The following LINGO2 variants were observed in gnomAD, a reference collection of about 807,000 sequenced individuals.
The protein encoded by LINGO2 is leucine rich repeat and Ig domain containing 2, also known as leucine-rich repeat and immunoglobulin-like domain-containing nogo receptor-interacting protein 2.
In LINGO2, 14 loss-of-function variants were observed where a neutral mutation model predicts 30.6. The observed-to-expected ratio is 0.46, with a 90% CI of 0.30 to 0.72. The LOEUF (loss-of-function observed/expected upper bound fraction) is 0.72, where lower values mean the gene tolerates loss of function less well. LINGO2 is among the 30% of genes least tolerant of loss of function. The pLI, the probability that LINGO2 is intolerant of heterozygous loss-of-function variation, is 0.07. For synonymous variants in LINGO2, 317 were observed against 288.5 expected (o/e 1.10, Z -1.00); for missense variants, 729 against 751.7 (o/e 0.97, Z 0.35).
At chr9:28,373,026 G>A (rs1278381460) in intron 2 of LINGO2, among the ~76,000 whole-genome samples, 158 bp from the exon 5 acceptor site, 1 of 149,816 alleles carries the variant, frequency 6.7e-6, no homozygotes. Context: ...AAAAAAAACT[G>A]ATAAAACTCT....
the LINGO2 span, among the ~76,000 whole-genome samples, chr9:28,967,373 T>C: frequency 2.1e-3 from 313 of 152,292 alleles, 1 homozygote; most frequent in Non-Finnish European, 1.7e-3. Context: ...CAAACTATCC[T>C]ACCACTAGGC....
chr9:28,067,816 T>C (rs1327076136), intron 4 of LINGO2, among the ~76,000 whole-genome samples: 4 of 152,202 alleles, frequency 2.6e-5, no homozygotes, highest in Non-Finnish European at 5.9e-5. Context: ...ACTTCTTCGA[T>C]TATCATAACA....
At chr9:28,852,458 T>C in the LINGO2 span, among the ~76,000 whole-genome samples, 2 of 150,618 alleles carry the variant, frequency 1.3e-5, no homozygotes, top group African/African-American at 4.8e-5. Flanking sequence ...TAAGAAATTT[T>C]ATGGTTCAGT....
chr9:28,712,511 A>G, the LINGO2 span, among the ~76,000 whole-genome samples: 1 of 151,240 alleles, frequency 6.6e-6, no homozygotes, highest in African/African-American at 2.4e-5. Flanking sequence ...ATTGAAACTC[A>G]GCTCTACCAT....
the LINGO2 span, among the ~76,000 whole-genome samples, chr9:28,991,923 A>T: frequency 6.6e-6 from 1 of 152,290 alleles, no homozygotes; most frequent in Non-Finnish European, 1.5e-5. Flanking sequence ...GCCAAATTGT[A>T]AAGACCATCG....
At chr9:28,434,788 G>C (rs1823855475) in intron 2 of LINGO2, among the ~76,000 whole-genome samples, 2 of 151,964 alleles carry the variant, frequency 1.3e-5, no homozygotes, top group Admixed American at 6.6e-5. Context: ...TCTCTAGTCT[G>C]AGTCACAGCT....
In LINGO2 at chr9:28,148,914, G is replaced by C. The variant is rs940443401; in HGVS notation, c.-86-136509C>G. On this transcript the variant is annotated intron_variant, in intron 4 of 5. Transcript: ENST00000379992. The surrounding 1 kb of genome is among the most constrained non-coding windows in gnomAD (Gnocchi z 5.1). ...AAGGATCCTGCAGCTCTTGGGTCAA[G>C]TAGGTCTTCTCCACACAGAGCTGCC... The C allele has an allele frequency of 6.5e-7, 1 of 1,533,824 alleles. No individual in the cohort carries two copies. Among genetic ancestry groups the C allele is most frequent in the African/African-American group, 1.4e-5 (1 of 72,992 alleles).
At chr9:28,448,208 A>G (rs1322041423) in intron 2 of LINGO2, among the ~76,000 whole-genome samples, 1 of 152,168 alleles carries the variant, frequency 6.6e-6, no homozygotes, top group Non-Finnish European at 1.5e-5. Flanking sequence ...ATGAGTTTGA[A>G]AGTTGTGCAC....
intron 1 of LINGO2, among the ~76,000 whole-genome samples, chr9:28,648,718 T>A (rs940496279): frequency 1.3e-5 from 2 of 152,120 alleles, no homozygotes; most frequent in African/African-American, 4.8e-5. Flanking sequence ...CTTAGTCTAA[T>A]GCTATCTACT....
the LINGO2 span, among the ~76,000 whole-genome samples, chr9:29,028,029 C>T: frequency 1.3e-5 from 2 of 152,078 alleles, no homozygotes; most frequent in Non-Finnish European, 2.9e-5. Flanking sequence ...ATAGGCTATG[C>T]TAAAGCAGGC....
At chr9:28,234,407 A>C (rs905702205) in intron 4 of LINGO2, among the ~76,000 whole-genome samples, 1 of 152,178 alleles carries the variant, frequency 6.6e-6, no homozygotes, top group Non-Finnish European at 1.5e-5. Context: ...TTGAGTGTCA[A>C]CTTGATTGGA....
intron 3 of LINGO2, among the ~76,000 whole-genome samples, chr9:28,358,795 C>T (rs1448226559): frequency 5.3e-5 from 8 of 152,148 alleles, no homozygotes; most frequent in Non-Finnish European, 1.2e-4. Context: ...GATTACAGCT[C>T]AACTTCTTTA....
At chr9:28,794,732 T>C in the LINGO2 span, among the ~76,000 whole-genome samples, 1 of 152,194 alleles carries the variant, frequency 6.6e-6, no homozygotes, top group Non-Finnish European at 1.5e-5. Flanking sequence ...AGAAGGACAA[T>C]TTGGATATTT....
chr9:28,858,681 C>A, the LINGO2 span, among the ~76,000 whole-genome samples: 1 of 151,952 alleles, frequency 6.6e-6, no homozygotes, highest in Admixed American at 6.6e-5. Flanking sequence ...ATCTGCCTAC[C>A]TAGGAGACCT....
At chr9:28,755,368 C>T in the LINGO2 span, among the ~76,000 whole-genome samples, 127 of 152,164 alleles carry the variant, frequency 8.3e-4, 2 homozygotes, top group African/African-American at 3.0e-3. Context: ...ACTACTTAAC[C>T]TCTCTGGGTC....
the LINGO2 span, among the ~76,000 whole-genome samples, chr9:28,910,133 C>A: frequency 6.6e-6 from 1 of 151,832 alleles, no homozygotes; most frequent in African/African-American, 2.4e-5. Flanking sequence ...TATTTTAAAC[C>A]CTTTTTTGAG....
chr9:29,155,590 T>C, the LINGO2 span, among the ~76,000 whole-genome samples: 3 of 149,540 alleles, frequency 2.0e-5, no homozygotes, highest in East Asian at 5.9e-4. Context: ...TAAAAATAAA[T>C]GAGGAAAAAA....
chr9:28,540,187 G>T (rs1330828000), intron 1 of LINGO2, among the ~76,000 whole-genome samples: 3 of 151,804 alleles, frequency 2.0e-5, no homozygotes, highest in African/African-American at 7.3e-5. Context: ...TACACCTATG[G>T]TGAACTCTCC....
the LINGO2 span, among the ~76,000 whole-genome samples, chr9:28,995,669 A>G: frequency 5.3e-5 from 8 of 152,208 alleles, no homozygotes; most frequent in Non-Finnish European, 1.2e-4. Flanking sequence ...GCACATATAC[A>G]CTATGGAATA....
Sources: gnomAD v4.1 joint callset for allele counts (sites outside exome capture counted in the v4.1 genomes callset) on GRCh38, gnomAD v4.1.1 for gene constraint, Gnocchi (gnomAD v3.1) non-coding constraint, MANE v1.5 for transcripts, NCBI Gene and HGNC (gene_info 2026-07-23, HGNC 2026-07-21) for gene names.